The following HDAC4 variants were observed in gnomAD, a reference collection of about 807,000 sequenced individuals.
HDAC4 encodes the protein histone deacetylase 4, also known as histone deacetylase A.
Under a neutral mutation model 135.1 loss-of-function variants are expected in HDAC4, and 16 were observed. The observed-to-expected ratio is 0.12, with a 90% CI of 0.08 to 0.18. The LOEUF is 0.18. Among genes scored for constraint, HDAC4 ranks in the 10% least tolerant of loss-of-function variants. The pLI is 1.00. For synonymous variants in HDAC4, 685 were observed against 653.4 expected, an observed-to-expected ratio of 1.05 and a Z score of -0.74; for missense variants, 1,143 against 1,511.8, an observed-to-expected ratio of 0.76 and a Z score of 4.05.
intron 22 of HDAC4, among the ~76,000 whole-genome samples, chr2:239,076,005 T>C (rs1381825709): frequency 6.7e-6 from 1 of 148,276 alleles, no homozygotes; most frequent in African/African-American, 2.5e-5. Flanking sequence ...GGGATAGCAG[T>C]AGCAGGCGCG....
At chr2:239,258,416 A>T (rs898631582) in intron 2 of HDAC4, among the ~76,000 whole-genome samples, 5 of 151,750 alleles carry the variant, frequency 3.3e-5, no homozygotes, top group Admixed American at 1.3e-4. Context: ...GTGGAGGGGG[A>T]GGGGGGATTA....
At chr2:239,305,646 G>T (rs1323926863) in intron 2 of HDAC4, 1 of 152,544 alleles carries the variant, frequency 6.6e-6, no homozygotes, top group Non-Finnish European at 1.5e-5. Context: ...GTAGGTAAAT[G>T]AATAAGAACT....
chr2:239,282,916 C>T (rs1322116958), intron 2 of HDAC4, among the ~76,000 whole-genome samples: 3 of 152,074 alleles, frequency 2.0e-5, no homozygotes, highest in Admixed American at 6.5e-5. Flanking sequence ...ACTCTACACA[C>T]AATGTACACA....
chr2:239,111,193 T>C (rs2038638400), intron 14 of HDAC4, among the ~76,000 whole-genome samples: 2 of 152,216 alleles, frequency 1.3e-5, no homozygotes, highest in Non-Finnish European at 2.9e-5. Flanking sequence ...CGTGGGCTCA[T>C]GATTCCTGAG....
At chr2:239,077,464 C>T (rs1381640563) in intron 22 of HDAC4, among the ~76,000 whole-genome samples, 4 of 152,252 alleles carry the variant, frequency 2.6e-5, no homozygotes, top group Non-Finnish European at 4.4e-5. Context: ...ACTGTGCCGG[C>T]TCCACTGTTC....
At chr2:239,359,037 G>A (rs1297910675) in intron 1 of HDAC4, among the ~76,000 whole-genome samples, 2 of 151,870 alleles carry the variant, frequency 1.3e-5, no homozygotes, top group Admixed American at 1.3e-4. Flanking sequence ...TTTATTTTTT[G>A]GATATGTAAA....
intron 2 of HDAC4, among the ~76,000 whole-genome samples, chr2:239,275,778 C>T (rs547681446): frequency 1.2e-4 from 18 of 152,092 alleles, no homozygotes; most frequent in Non-Finnish European, 1.3e-4. Flanking sequence ...CAAGATAGAA[C>T]GCCAGGACCC....
Position 239,370,841 on chromosome 2 carries a change from AACGT to A in HDAC4, c.-219-17927_-219-17924del, listed in dbSNP as rs1157624204. On this transcript the variant is annotated intron_variant, in intron 1 of 26. Transcript: ENST00000543185. ...TCAAAATGATGATGATTACTTTAAGAACGTTCCTGGGATGAATTACAGACAGCTA... is the reference window on the plus strand; with the variant it reads ...TCAAAATGATGATGATTACTTTAAGATCCTGGGATGAATTACAGACAGCTA... Among the ~76,000 whole-genome samples the A allele has an allele frequency of 7.9e-5, 12 of 152,356 alleles. No individual in the cohort carries two copies. In the South Asian group the frequency reaches 2.3e-3, roughly 29 times the overall value.
chr2:239,181,906 G>A (rs538915020), intron 4 of HDAC4, among the ~76,000 whole-genome samples: 2 of 152,320 alleles, frequency 1.3e-5, no homozygotes, highest in African/African-American at 2.4e-5. Flanking sequence ...GTCGCCTAGA[G>A]ACGCCGACTT....
intron 1 of HDAC4, among the ~76,000 whole-genome samples, chr2:239,394,125 A>G (rs886433614): frequency 6.6e-6 from 1 of 152,158 alleles, no homozygotes; most frequent in African/African-American, 2.4e-5. Flanking sequence ...TCACCGCTTG[A>G]ACAATACTCC....
intron 4 of HDAC4, 150 bp downstream of exon 4, chr2:239,189,683 T>G: frequency 1.4e-6 from 1 of 730,784 alleles, no homozygotes; most frequent in Non-Finnish European, 2.4e-6. Flanking sequence ...GTTTGTTGCC[T>G]GGTGTTACCG....
intron 7 of HDAC4, among the ~76,000 whole-genome samples, chr2:239,150,874 C>T (rs562170660): frequency 2.5e-4 from 37 of 145,740 alleles, no homozygotes; most frequent in African/African-American, 7.9e-4. Context: ...TGCTGCACCT[C>T]CGTATGTACC....
At chr2:239,263,171 T>C (rs4490210) in intron 2 of HDAC4, among the ~76,000 whole-genome samples, 36,674 of 152,006 alleles carry the variant, frequency 0.24, 5,087 homozygotes, top group East Asian at 0.5. Flanking sequence ...GCTGTGTCGG[T>C]GCCCTAGCCT....
At chr2:239,064,330 A>C (rs1419360213) in intron 24 of HDAC4, among the ~76,000 whole-genome samples, 1 of 152,226 alleles carries the variant, frequency 6.6e-6, no homozygotes, top group Admixed American at 6.5e-5. Context: ...CCATGGCAGC[A>C]GCCCTGCTGG....
At chr2:239,204,185 T>C (rs975446311) in intron 3 of HDAC4, among the ~76,000 whole-genome samples, 3 of 152,238 alleles carry the variant, frequency 2.0e-5, no homozygotes, top group Non-Finnish European at 4.4e-5. Flanking sequence ...AGCTCCTCTC[T>C]GCGCAGGGCA....
intron 1 of HDAC4, among the ~76,000 whole-genome samples, chr2:239,365,695 C>T (rs905449654): frequency 6.6e-6 from 1 of 152,138 alleles, no homozygotes; most frequent in Non-Finnish European, 1.5e-5. Flanking sequence ...GCGTGTGGCA[C>T]CAGGGGACAC....
rs1486108323 is a variant in HDAC4 at position 239,052,866 on chromosome 2, C to T, written c.*231G>A. 2.4e-5 allele frequency: 14 copies of T among 584,646 alleles called. No individual in the cohort carries two copies. The highest frequency in any genetic ancestry group is 5.7e-5 in the East Asian group (2 of 35,108). 36.2% of individuals were successfully genotyped at this position (584,646 alleles called of 1,614,324 possible). A position where few individuals can be genotyped will look rare whatever the true frequency, so the allele number is the denominator to read the frequency against. ...GCGTGTCCGTGTGTCTGCGCGTCGC[C>T]GGCGTCTGTCCCGTGTTCCCTGTGA... On this transcript the variant is annotated 3_prime_UTR_variant, in exon 27 of 27. Coordinates refer to ENST00000543185, the MANE Select transcript of HDAC4 (RefSeq NM_001378414.1).
At chr2:239,178,773 C>G (rs956149451) in intron 4 of HDAC4, among the ~76,000 whole-genome samples, 2 of 152,156 alleles carry the variant, frequency 1.3e-5, no homozygotes, top group African/African-American at 4.8e-5. Flanking sequence ...ATCCTGGCAA[C>G]CAGAGTGGCC....
At chr2:239,066,939 A>C in intron 23 of HDAC4, 84 bp from the exon 24 acceptor site, 1 of 1,524,586 alleles carries the variant, frequency 6.6e-7, no homozygotes, top group Non-Finnish European at 8.9e-7. Context: ...ATGGCATCGT[A>C]AGAAGACTGG....
Sources: allele counts gnomAD v4.1 joint callset (sites outside exome capture counted in the v4.1 genomes callset), GRCh38; gene constraint gnomAD v4.1.1; transcripts MANE v1.5; gene names NCBI Gene and HGNC (gene_info 2026-07-23, HGNC 2026-07-21).